DOT1L: variants seen among roughly 807,000 people sequenced by gnomAD.
DOT1L encodes the protein DOT1 like histone lysine methyltransferase.
A neutral mutation model predicts 153.3 loss-of-function variants in DOT1L; 33 were observed. The ratio of observed to expected loss-of-function variants is 0.22; its 90% CI spans 0.16 to 0.29. The LOEUF (loss-of-function observed/expected upper bound fraction) is 0.29. Ranked by LOEUF, DOT1L falls within the 10% of genes least tolerant of loss-of-function variation. The pLI is 1.00. For synonymous variants in DOT1L, 1,135 were observed against 965.1 expected (o/e 1.18, Z -3.26); for missense variants, 1,847 against 2,119.9 (o/e 0.87, Z 2.53).
intron 1 of DOT1L, among the ~76,000 whole-genome samples, chr19:2,178,478 C>T (rs1337644761): frequency 3.5e-5 from 5 of 141,686 alleles, no homozygotes; most frequent in Admixed American, 2.2e-4. Flanking sequence ...AGTGCAGTGG[C>T]GCGATCTTGG....
rs770865451 is a variant in DOT1L, at chr19:2,226,497, C to G, written c.3976C>G (p.Leu1326Val). ...CTTCGGCGGGGGCCTGGCCGCGGAC[C>G]TGAGTTTACACAGCTTCAGTGATGG... ...CTFGGGLAAD[L>V]SLHSFSDGAS... is the part of the protein sequence containing the mutation. Residue 1326 changes from leucine to valine, a missense_variant, in exon 27 of 28, where the codon CTG (leucine) becomes GTG (valine). Leu to Val is a conservative substitution (Grantham distance 32). Transcript: ENST00000398665. 6.2e-7 allele frequency: 1 copy of G among 1,600,858 alleles called. No homozygotes were observed. Among genetic ancestry groups the G allele is most frequent in the Non-Finnish European group, 8.5e-7 (1 of 1,179,680 alleles).
rs2024339637 is a variant in DOT1L, at chr19:2,226,562, G to C, written c.4041G>C (p.Leu1347=). The C allele has an allele frequency of 1.9e-6, 3 of 1,600,500 alleles. No homozygotes were observed. The highest frequency in any genetic ancestry group is 2.5e-6 in the Non-Finnish European group (3 of 1,178,964). The change falls in exon 27 of 28, where the codon CTG becomes CTC. Residue 1347 remains leucine (L), a synonymous_variant. Transcript: ENST00000398665. ...ACAAGGGCCCCGAGGCGGCCGGCCT[G>C]AGCTCCCCGCTGAGCTTCCCCTCGC... The part of the protein sequence containing the change: ...LPHKGPEAAG[L]SSPLSFPSQR...
Position 2,220,032 on chromosome 19 carries a change from ACTCACT to A in DOT1L, c.2692-75_2692-70del. 2 of 1,380,864 alleles carry A rather than the reference ACTCACT, an allele frequency of 1.4e-6. No individual in the cohort carries two copies. The highest frequency in any genetic ancestry group is 2.0e-6 in the Non-Finnish European group (2 of 1,002,798). The allele number at this position is 1,380,864 out of a possible 1,614,324, so 85.5% of individuals were successfully genotyped here. On this transcript the variant is annotated intron_variant, in intron 22 of 27. Transcript: ENST00000398665. The surrounding 1 kb of genome is among the most constrained non-coding windows in gnomAD (Gnocchi z 4.5). The stretch of plus-strand genomic sequence containing the variant: ...CCCCCAGCCAGCTGCAGGCCTCAAC[ACTCACT>A]GTTTCCAGCTGGGTTCTGGGTCTCC...
chr19:2,213,773 A>C (rs953028867), intron 17 of DOT1L, 76 bp from the exon 18 acceptor site: 18 of 1,605,672 alleles, frequency 1.1e-5, no homozygotes, highest in Non-Finnish European at 1.4e-5. Context: ...GCTGGGCTGC[A>C]GGGGTGGTCA....
Position 2,229,847 on chromosome 19 carries a change from C to G in DOT1L, c.*55C>G, listed in dbSNP as rs538032387. The stretch of plus-strand genomic sequence containing the variant: ...AAGGACGGTGTGGACCAACTCGCGC[C>G]CGCGGCATGGTGCCCGCCGGCCTGC... On this transcript the variant is annotated 3_prime_UTR_variant, in exon 28 of 28. Transcript: ENST00000398665. The G allele has an allele frequency of 2.2e-5, 36 of 1,612,124 alleles. No homozygotes were observed. The highest frequency in any genetic ancestry group is 2.2e-4 in the South Asian group (20 of 90,956).
chr19:2,228,938 C>T (rs1379578457), intron 27 of DOT1L: 16 of 985,300 alleles, frequency 1.6e-5, no homozygotes, highest in African/African-American at 1.7e-5. Flanking sequence ...AGTGCCCTGC[C>T]TGCCTGGGGG....
chr19:2,183,985 C>G (rs1281085251), intron 2 of DOT1L, among the ~76,000 whole-genome samples: 1 of 152,180 alleles, frequency 6.6e-6, no homozygotes, highest in Non-Finnish European at 1.5e-5. Context: ...GTAAAGACTG[C>G]TCCCTTTTGC....
At position 2,164,220 on chromosome 19, in the gene DOT1L, C is replaced by G. The variant is rs1443977943; in HGVS notation, c.36C>G (p.Pro12=). The G allele has an allele frequency of 1.6e-6, 2 of 1,287,132 alleles. No individual in the cohort carries two copies. The highest frequency in any genetic ancestry group is 2.0e-6 in the Non-Finnish European group (2 of 1,015,030). The allele number at this position is 1,287,132 out of a possible 1,614,324, so 79.7% of individuals were successfully genotyped here. The change falls in exon 1 of 28, where the codon CCC becomes CCG. Residue 12 remains proline (P), a synonymous_variant. Coordinates refer to ENST00000398665, the MANE Select transcript of DOT1L (RefSeq NM_032482.3). ...GEKLELRLKS[P]VGAEPAVYPW... ...AGCTGGAGCTGAGACTGAAGTCGCC[C>G]GTGGGGGCTGAGCCCGCCGTCTACC... is the stretch of plus-strand genomic sequence containing the variant.
intron 26 of DOT1L, 138 bp downstream of exon 26, chr19:2,225,590 T>G: frequency 1.0e-6 from 1 of 959,628 alleles, no homozygotes; most frequent in South Asian, 1.4e-5. Flanking sequence ...TCCTGCGTGG[T>G]GCTGGCCTGC....
At position 2,217,857 on chromosome 19, in the gene DOT1L, A is replaced by C; in HGVS notation, c.2630A>C (p.Asn877Thr). The C allele has an allele frequency of 1.2e-6, 2 of 1,612,444 alleles. No individual in the cohort carries two copies. Among genetic ancestry groups the C allele is most frequent in the Non-Finnish European group, 1.7e-6 (2 of 1,179,674 alleles). Residue 877 changes from asparagine to threonine, a missense_variant, in exon 22 of 28, where the codon AAC becomes ACC. Transcript: ENST00000398665. The surrounding 1 kb of genome is among the most constrained non-coding windows in gnomAD (Gnocchi z 7.3). ...ATCCCGCTCAGCACCGTGCAGCCCA[A>C]CAAGCTCCCGGTCAGCATTCCCCTG... Reference protein sequence around the residue: ...ISIPLSTVQPNKLPVSIPLAS... With the variant: ...ISIPLSTVQPTKLPVSIPLAS...
intron 25 of DOT1L, among the ~76,000 whole-genome samples, chr19:2,224,786 G>A (rs368035504): frequency 2.0e-5 from 3 of 152,320 alleles, no homozygotes; most frequent in African/African-American, 4.8e-5. Context: ...GTGTTAGTTC[G>A]TTCTGCTCCT....
chr19:2,217,418 C>T lies in DOT1L; in HGVS notation c.2544+328C>T, dbSNP rs558116045. Among the ~76,000 whole-genome samples the T allele has an allele frequency of 6.6e-6, 1 of 152,266 alleles. No homozygotes were observed. Among genetic ancestry groups the T allele is most frequent in the Admixed American group, 6.5e-5 (1 of 15,298 alleles). On this transcript the variant is annotated intron_variant, in intron 21 of 27. Transcript: ENST00000398665. The surrounding 1 kb of genome is among the most constrained non-coding windows in gnomAD (Gnocchi z 7.3). ...ATGAGGACTTCCCCGGGGGCACTGG[C>T]CTGTGTGCACAGGGATGGAGAGGGA...
chr19:2,225,883 C>T (rs1353940504), intron 26 of DOT1L, among the ~76,000 whole-genome samples: 2 of 152,216 alleles, frequency 1.3e-5, no homozygotes, highest in Admixed American at 1.3e-4. Context: ...AGAGCTCATC[C>T]CGCATGGCCT....
intron 2 of DOT1L, among the ~76,000 whole-genome samples, chr19:2,181,464 G>T (rs1185742122): frequency 1.3e-5 from 2 of 152,208 alleles, no homozygotes; most frequent in African/African-American, 4.8e-5. Flanking sequence ...TCTTGGCCGG[G>T]TGGCTCTGTG....
intron 7 of DOT1L, among the ~76,000 whole-genome samples, chr19:2,195,210 A>G (rs2144759573): frequency 6.6e-6 from 1 of 152,064 alleles, no homozygotes; most frequent in African/African-American, 2.4e-5. Context: ...TTGGGTGATT[A>G]ATGGGCCATA....
intron 18 of DOT1L, 91 bp from the exon 19 acceptor site, chr19:2,214,380 G>A: frequency 6.5e-7 from 1 of 1,544,694 alleles, no homozygotes; most frequent in Non-Finnish European, 8.7e-7. Flanking sequence ...GCTGTTGGCT[G>A]AGGCAGGCCC....
intron 16 of DOT1L, 83 bp downstream of exon 16, chr19:2,211,925 G>C: frequency 7.5e-7 from 1 of 1,331,016 alleles, no homozygotes; most frequent in Non-Finnish European, 1.0e-6. Flanking sequence ...CCCTGTGGCA[G>C]AGGCCCTGGA....
In DOT1L at chr19:2,216,964, C is replaced by T; in HGVS notation, c.2418C>T (p.His806=). The T allele has an allele frequency of 3.1e-6, 5 of 1,612,586 alleles. No homozygotes were observed. Among genetic ancestry groups the T allele is most frequent in the Non-Finnish European group, 4.2e-6 (5 of 1,179,494 alleles). Residue 806 remains histidine (H), a synonymous_variant, in exon 21 of 28, where the codon CAC becomes CAT. Transcript: ENST00000398665. Reference sequence around the variant, plus strand: ...CAGCTTCTCATTCCAGAGCTGAGCACACCAAGGAGAACGGCCTTCCCTACC... The same window carrying T: ...CAGCTTCTCATTCCAGAGCTGAGCATACCAAGGAGAACGGCCTTCCCTACC... ...AASELHSRAE[H]TKENGLPYQS...
intron 22 of DOT1L, among the ~76,000 whole-genome samples, chr19:2,219,139 TG>T (rs1414743342): frequency 1.3e-5 from 2 of 152,198 alleles, no homozygotes; most frequent in Admixed American, 1.3e-4. Context: ...CCGAAATTGA[TG>T]GGATGACAGG....
Sources: allele counts gnomAD v4.1 joint callset (sites outside exome capture counted in the v4.1 genomes callset), GRCh38; gene constraint gnomAD v4.1.1; non-coding constraint Gnocchi (gnomAD v3.1); transcripts MANE v1.5; gene names NCBI Gene and HGNC (gene_info 2026-07-23, HGNC 2026-07-21).